The following SUZ12 variants were observed in gnomAD, a reference collection of about 807,000 sequenced individuals.
The protein encoded by SUZ12 is SUZ12 polycomb repressive complex 2 subunit.
In SUZ12, 17 loss-of-function variants were observed where a neutral mutation model predicts 87.3. The observed-to-expected ratio is 0.19, with a 90% CI of 0.13 to 0.29. The LOEUF is 0.29. SUZ12 is among the 10% of genes least tolerant of loss of function. SUZ12 has a pLI of 1.00. For synonymous variants in SUZ12, 253 were observed against 312.4 expected, an observed-to-expected ratio of 0.81 and a Z score of 2.01; for missense variants, 526 against 912.2, an observed-to-expected ratio of 0.58 and a Z score of 5.45.
At chr17:31,991,641 G>A (rs1171307657) in intron 10 of SUZ12, among the ~76,000 whole-genome samples, 5 of 151,810 alleles carry the variant, frequency 3.3e-5, no homozygotes, top group East Asian at 3.9e-4. Context: ...GTCTTGCTCC[G>A]TCACCCAGGC....
intron 4 of SUZ12, among the ~76,000 whole-genome samples, chr17:31,950,306 C>T (rs1438502484): frequency 6.6e-5 from 10 of 152,294 alleles, no homozygotes; most frequent in Middle Eastern, 3.4e-3. Context: ...ACCTATCACA[C>T]AGGGTTGTAG....
chr17:31,976,294 C>G (rs896109133), intron 7 of SUZ12, among the ~76,000 whole-genome samples: 2 of 152,156 alleles, frequency 1.3e-5, no homozygotes, highest in Non-Finnish European at 2.9e-5. Context: ...TAATTCTAAA[C>G]AGAAACATTA....
chr17:31,949,662 C>A (rs1253413837), intron 4 of SUZ12, among the ~76,000 whole-genome samples: 46 of 14,308 alleles, frequency 3.2e-3, no homozygotes, highest in African/African-American at 0.011. Context: ...CACACCCAGC[C>A]CCCCCCCCCC....
At chr17:31,994,772 G>GT (rs774748019) in intron 13 of SUZ12, 51 bp downstream of exon 13, 1 of 1,572,812 alleles carries the variant, frequency 6.4e-7, no homozygotes, top group East Asian at 2.3e-5. Context: ...TTTTACTGAT[G>GT]TTGGAGGAAC....
At chr17:31,973,548 G>GT (rs1908563207) in intron 6 of SUZ12, among the ~76,000 whole-genome samples, 1 of 152,160 alleles carries the variant, frequency 6.6e-6, no homozygotes, top group Non-Finnish European at 1.5e-5. Context: ...TTAGCTGTTT[G>GT]TACCCATTGA....
At chr17:31,986,484 G>A (rs1019680716) in intron 9 of SUZ12, among the ~76,000 whole-genome samples, 1 of 152,002 alleles carries the variant, frequency 6.6e-6, no homozygotes, top group Non-Finnish European at 1.5e-5. Context: ...AAATTCCTGT[G>A]GACTGCTGTG....
Position 31,998,155 on chromosome 17 carries a change from C to CT in SUZ12, c.1875-502dup, listed in dbSNP as rs369779494. ...AGTGCAGTGGTGTGATCTCGACTCA[C>CT]TGCAAGCTCCACCTCCCAGGTTCAC... On this transcript the variant is annotated intron_variant, in intron 15 of 15. Coordinates refer to ENST00000322652, the MANE Select transcript of SUZ12 (RefSeq NM_015355.4). Among the ~76,000 whole-genome samples, 309 of 151,106 alleles carry CT rather than the reference C, an allele frequency of 2.0e-3. 1 individual carries two copies. Among genetic ancestry groups the CT allele is most frequent in the African/African-American group, 6.6e-3 (269 of 41,044 alleles).
chr17:31,979,377 A>T (rs1282099745), intron 8 of SUZ12, among the ~76,000 whole-genome samples: 2 of 152,218 alleles, frequency 1.3e-5, no homozygotes, highest in Non-Finnish European at 2.9e-5. Context: ...ATTAAAATAC[A>T]AATACAATAC....
rs1211962022 is a variant in SUZ12, at chr17:31,960,240, T to A, written c.456-5907T>A. Among the ~76,000 whole-genome samples the A allele has an allele frequency of 4.6e-5, 7 of 152,262 alleles. No homozygotes were observed. The East Asian group carries it at 1.4e-3, about 29-fold the overall frequency. ...TACTTTTTTTTTTTGAGACGGGGTC[T>A]CGCTCTGTTGCCCAGGTTGGAGTGC... On this transcript the variant is annotated intron_variant, in intron 4 of 15. Transcript: ENST00000322652.
chr17:31,972,343 GT>G, intron 5 of SUZ12, among the ~76,000 whole-genome samples: 1 of 146,742 alleles, frequency 6.8e-6, no homozygotes, highest in African/African-American at 2.5e-5. Flanking sequence ...GTATATATAT[GT>G]GTATATATAT....
At chr17:31,945,090 G>GGAATCATTT (rs1906553660) in intron 3 of SUZ12, among the ~76,000 whole-genome samples, 1 of 149,990 alleles carries the variant, frequency 6.7e-6, no homozygotes, top group Non-Finnish European at 1.5e-5. Flanking sequence ...AAAAAGTATG[G>GGAATCATTT]GAATCATTTA....
intron 4 of SUZ12, among the ~76,000 whole-genome samples, chr17:31,959,718 T>C (rs1197756247): frequency 2.0e-5 from 3 of 152,212 alleles, no homozygotes; most frequent in Non-Finnish European, 4.4e-5. Flanking sequence ...GTCATAAAAA[T>C]TACTTCCTCT....
intron 9 of SUZ12, among the ~76,000 whole-genome samples, chr17:31,987,612 C>G (rs1243810761): frequency 6.6e-6 from 1 of 152,030 alleles, no homozygotes; most frequent in Non-Finnish European, 1.5e-5. Flanking sequence ...TGCTGGTGGG[C>G]TTTGGGTACC....
At chr17:31,949,137 C>T (rs776742431) in intron 4 of SUZ12, among the ~76,000 whole-genome samples, 4 of 152,144 alleles carry the variant, frequency 2.6e-5, no homozygotes, top group Non-Finnish European at 4.4e-5. Context: ...CAAGGTTTAC[C>T]TTCACTACTA....
chr17:31,956,425 G>A (rs1026997177), intron 4 of SUZ12, among the ~76,000 whole-genome samples: 2 of 152,124 alleles, frequency 1.3e-5, no homozygotes, highest in Non-Finnish European at 2.9e-5. Context: ...ATCTGACCTC[G>A]TGATCGGCCC....
In SUZ12 at chr17:31,999,287, G is replaced by A. The variant is rs1910141743; in HGVS notation, c.*284G>A. The A allele has an allele frequency of 3.8e-6, 1 of 261,462 alleles. No homozygotes were observed. The highest frequency in any genetic ancestry group is 5.7e-5 in the East Asian group (1 of 17,494). 16.2% of individuals were successfully genotyped at this position (261,462 alleles called of 1,614,324 possible). A position where few individuals can be genotyped will look rare whatever the true frequency, so the allele number is the denominator to read the frequency against. On this transcript the variant is annotated 3_prime_UTR_variant, in exon 16 of 16. Coordinates refer to ENST00000322652, the MANE Select transcript of SUZ12 (RefSeq NM_015355.4). The stretch of plus-strand genomic sequence containing the variant: ...CTCAACAAATGTCATCAAATATGTT[G>A]AATTGATCTAGAAATTATTTCATAT...
intron 5 of SUZ12, among the ~76,000 whole-genome samples, chr17:31,972,745 A>G (rs887728220): frequency 1.3e-4 from 19 of 148,888 alleles, no homozygotes; most frequent in African/African-American, 4.7e-4. Flanking sequence ...CAACCTGGGC[A>G]TGGTGGCTCA....
intron 8 of SUZ12, among the ~76,000 whole-genome samples, chr17:31,978,522 T>G (rs1441878008): frequency 6.6e-6 from 1 of 152,002 alleles, no homozygotes; most frequent in African/African-American, 2.4e-5. Flanking sequence ...CTTTTTAAAG[T>G]CAGAAATTTT....
At chr17:31,972,245 A>G (rs1324884960) in intron 5 of SUZ12, among the ~76,000 whole-genome samples, 7 of 152,016 alleles carry the variant, frequency 4.6e-5, no homozygotes, top group Admixed American at 4.6e-4. Flanking sequence ...AGATCGCCCT[A>G]CTGCACTCCA....
Sources: gnomAD v4.1 joint callset for allele counts (sites outside exome capture counted in the v4.1 genomes callset) on GRCh38, gnomAD v4.1.1 for gene constraint, MANE v1.5 for transcripts, NCBI Gene and HGNC (gene_info 2026-07-23, HGNC 2026-07-21) for gene names.